GRM7: variants seen among roughly 807,000 people sequenced by gnomAD.
GRM7 encodes metabotropic glutamate receptor 7.
In GRM7, 35 loss-of-function variants were observed where a neutral mutation model predicts 84.5. The ratio of observed to expected loss-of-function variants is 0.41; its 90% CI spans 0.32 to 0.55. The LOEUF (loss-of-function observed/expected upper bound fraction) is 0.55, where lower values mean the gene tolerates loss of function less well. Among genes scored for constraint, GRM7 ranks in the 20% least tolerant of loss-of-function variants. The probability of loss-of-function intolerance (pLI) is 0.19; values close to 1 mark genes in which losing one functional copy is unlikely to be tolerated. For synonymous variants in GRM7, 487 were observed against 455.1 expected (o/e 1.07, Z -0.89); for missense variants, 1,003 against 1,194.6 (o/e 0.84, Z 2.36).
At chr3:6,950,697 G>A (rs1692714591) in intron 1 of GRM7, among the ~76,000 whole-genome samples, 4 of 152,214 alleles carry the variant, frequency 2.6e-5, no homozygotes. Flanking sequence ...GCTGTGGTGG[G>A]CTCCACCCAG....
At chr3:7,519,306 G>A (rs1328904139) in intron 7 of GRM7, among the ~76,000 whole-genome samples, 2 of 151,636 alleles carry the variant, frequency 1.3e-5, no homozygotes, top group Non-Finnish European at 2.9e-5. Flanking sequence ...AGGCTGCAGT[G>A]AGCTGAGATA....
chr3:7,392,363 G>T (rs1695035827), intron 4 of GRM7, among the ~76,000 whole-genome samples: 1 of 152,222 alleles, frequency 6.6e-6, no homozygotes, highest in African/African-American at 2.4e-5. Context: ...ACTGCTGTGG[G>T]TGTTCTCCAT....
intron 1 of GRM7, among the ~76,000 whole-genome samples, chr3:6,977,432 T>C (rs929566970): frequency 6.6e-5 from 10 of 151,942 alleles, no homozygotes; most frequent in African/African-American, 2.2e-4. Context: ...ATGATTGAAA[T>C]AAATCGTTAT....
chr3:7,547,457 C>T (rs917683715), intron 7 of GRM7, among the ~76,000 whole-genome samples: 8 of 152,080 alleles, frequency 5.3e-5, no homozygotes, highest in Non-Finnish European at 1.0e-4. Flanking sequence ...CTGCCCGCCT[C>T]GGCCTCCCAA....
chr3:7,724,135 T>A (rs1575671381), intron 9 of GRM7, among the ~76,000 whole-genome samples: 1 of 152,196 alleles, frequency 6.6e-6, no homozygotes, highest in Non-Finnish European at 1.5e-5. Context: ...CAGCCATAGG[T>A]GCCCAGAACC....
At chr3:7,075,496 A>ACGTGTGTGTGTGTGTGTGTGTGTG (rs1491399036) in intron 1 of GRM7, among the ~76,000 whole-genome samples, 1 of 138,490 alleles carries the variant, frequency 7.2e-6, no homozygotes, top group African/African-American at 2.7e-5. Context: ...TGCTTCTCAG[A>ACGTGTGTGTGTGTGTGTGTGTGTG]TGTGTGTGTG....
intron 2 of GRM7, among the ~76,000 whole-genome samples, chr3:7,272,289 C>T (rs1698895455): frequency 6.6e-6 from 1 of 152,082 alleles, no homozygotes; most frequent in Non-Finnish European, 1.5e-5. Context: ...TGCTCATTTT[C>T]CACAAGAGTA....
intron 1 of GRM7, among the ~76,000 whole-genome samples, chr3:7,041,705 G>C (rs1371533687): frequency 1.3e-5 from 2 of 152,150 alleles, no homozygotes; most frequent in Non-Finnish European, 2.9e-5. Context: ...CTGTTTCCTG[G>C]AATTTAACAC....
At chr3:7,024,523 A>G (rs1695903647) in intron 1 of GRM7, among the ~76,000 whole-genome samples, 1 of 152,250 alleles carries the variant, frequency 6.6e-6, no homozygotes, top group Non-Finnish European at 1.5e-5. Context: ...GAGCAAATAG[A>G]AAATTTCTGG....
chr3:7,609,572 G>C (rs531093916), intron 8 of GRM7, among the ~76,000 whole-genome samples: 2 of 151,652 alleles, frequency 1.3e-5, no homozygotes, highest in Non-Finnish European at 2.9e-5. Context: ...CACAGGTATG[G>C]GTAGGTGGGT....
chr3:7,068,106 A>G (rs887939240), intron 1 of GRM7, among the ~76,000 whole-genome samples: 2 of 151,988 alleles, frequency 1.3e-5, no homozygotes, highest in African/African-American at 2.4e-5. Flanking sequence ...AGGTCAAACC[A>G]TCTGAGACTG....
chr3:7,351,338 C>T (rs538631201), intron 4 of GRM7, among the ~76,000 whole-genome samples: 452 of 41,392 alleles, frequency 0.011, 1 homozygote, highest in Non-Finnish European at 0.018. Flanking sequence ...TTCCCACAGG[C>T]GAAAAAAAAA....
intron 8 of GRM7, among the ~76,000 whole-genome samples, chr3:7,663,976 G>A (rs928209799): frequency 6.6e-6 from 1 of 152,158 alleles, no homozygotes; most frequent in African/African-American, 2.4e-5. Flanking sequence ...TATGACCACA[G>A]GACAAGAAAA....
At chr3:7,407,871 A>G (rs2125168819) in intron 4 of GRM7, among the ~76,000 whole-genome samples, 1 of 152,264 alleles carries the variant, frequency 6.6e-6, no homozygotes, top group Non-Finnish European at 1.5e-5. Flanking sequence ...AGTTTCTTAA[A>G]TTTTTTGTTA....
intron 5 of GRM7, among the ~76,000 whole-genome samples, chr3:7,427,272 G>A (rs945484657): frequency 1.3e-5 from 2 of 152,174 alleles, no homozygotes; most frequent in Admixed American, 6.5e-5. Flanking sequence ...ACTAAGAAAT[G>A]TATTGGTCTC....
At chr3:7,447,589 A>G (rs6777966) in intron 5 of GRM7, among the ~76,000 whole-genome samples, 54,717 of 151,824 alleles carry the variant, frequency 0.36, 11,147 homozygotes, top group Non-Finnish European at 0.48. Flanking sequence ...CTGGTATGCT[A>G]TGGTCTCCTC....
At chr3:7,044,853 C>A (rs1696745922) in intron 1 of GRM7, among the ~76,000 whole-genome samples, 1 of 152,160 alleles carries the variant, frequency 6.6e-6, no homozygotes, top group African/African-American at 2.4e-5. Context: ...TAATTTCTTC[C>A]CACTTAGTCC....
chr3:7,292,077 T>G (rs535335633), intron 2 of GRM7, among the ~76,000 whole-genome samples: 1 of 152,254 alleles, frequency 6.6e-6, no homozygotes, highest in South Asian at 2.1e-4. Flanking sequence ...GAACTGTGAG[T>G]TCATTAAAGC....
At chr3:6,977,574 T>A (rs768878358) in intron 1 of GRM7, among the ~76,000 whole-genome samples, 130 of 152,116 alleles carry the variant, frequency 8.5e-4, no homozygotes, top group Non-Finnish European at 1.3e-3. Context: ...GCCATCCCCA[T>A]AACCGAAAGC....
Sources: allele counts gnomAD v4.1 joint callset (sites outside exome capture counted in the v4.1 genomes callset), GRCh38; gene constraint gnomAD v4.1.1; transcripts MANE v1.5; gene names NCBI Gene and HGNC (gene_info 2026-07-23, HGNC 2026-07-21).